TBC1D8: variants seen among roughly 807,000 people sequenced by gnomAD.
TBC1D8 encodes TBC1 domain family member 8, also known as BUB2-like protein 1.
In TBC1D8, 65 loss-of-function variants were observed where a neutral mutation model predicts 118.8. The ratio of observed to expected loss-of-function variants is 0.55; its 90% CI spans 0.45 to 0.67. The LOEUF is 0.67. Ranked by LOEUF, TBC1D8 falls within the 30% of genes least tolerant of loss-of-function variation. The pLI is 0.00. For synonymous variants in TBC1D8, 566 were observed against 595.8 expected, an observed-to-expected ratio of 0.95 and a Z score of 0.73; for missense variants, 1,376 against 1,471.2, an observed-to-expected ratio of 0.94 and a Z score of 1.06.
At position 101,029,769 on chromosome 2, in the gene TBC1D8, T is replaced by A; in HGVS notation, c.1944A>T (p.Gln648His). Residue 648 changes from glutamine (Q) to histidine (H), a missense_variant, in exon 12 of 20, where the codon CAA becomes CAT. Coordinates refer to ENST00000409318, the MANE Select transcript of TBC1D8 (RefSeq NM_001330348.2). ...DYFNHRVIGAQVDQSVFEELI... is the reference protein window; with the variant it reads ...DYFNHRVIGAHVDQSVFEELI... The stretch of plus-strand genomic sequence containing the variant: ...GCTCCTCGAAGACAGACTGGTCAAC[T>A]TGTGCCCCTGGAAAAGAAAGGGCAC... 6.2e-7 allele frequency: 1 copy of A among 1,612,272 alleles called. No homozygotes were observed. The highest frequency in any genetic ancestry group is 8.5e-7 in the Non-Finnish European group (1 of 1,178,440).
chr2:101,007,496 T>G lies in TBC1D8; in HGVS notation c.*325A>C, dbSNP rs1331352347. On this transcript the variant is annotated 3_prime_UTR_variant, in exon 20 of 20. Coordinates refer to ENST00000409318, the MANE Select transcript of TBC1D8 (RefSeq NM_001330348.2). ...ATGAAAGCATGGGGCTTTTCTTGCT[T>G]CTTGGTTAGTATGAGACATTGTGTT... is the stretch of plus-strand genomic sequence containing the variant. 2 of 253,182 alleles carry G rather than the reference T, an allele frequency of 7.9e-6. No individual in the cohort carries two copies. Among genetic ancestry groups the G allele is most frequent in the South Asian group, 8.9e-5 (1 of 11,290 alleles). 15.7% of individuals were successfully genotyped at this position (253,182 alleles called of 1,614,324 possible). A position where few individuals can be genotyped will look rare whatever the true frequency, so the allele number is the denominator to read the frequency against.
intron 1 of TBC1D8, among the ~76,000 whole-genome samples, chr2:101,098,743 A>G (rs1281912305): frequency 1.3e-5 from 2 of 152,218 alleles, no homozygotes; most frequent in Non-Finnish European, 2.9e-5. Context: ...ATGGAAATTG[A>G]ACAATCTGTT....
intron 1 of TBC1D8, among the ~76,000 whole-genome samples, chr2:101,097,570 T>TGCA (rs1676550290): frequency 4.6e-5 from 6 of 131,532 alleles, no homozygotes; most frequent in African/African-American, 1.7e-4. Flanking sequence ...AAAAAAAAAA[T>TGCA]GCACCTGCAT....
At chr2:101,082,991 C>T (rs796069481) in intron 2 of TBC1D8, among the ~76,000 whole-genome samples, 22 of 152,188 alleles carry the variant, frequency 1.4e-4, no homozygotes, top group African/African-American at 5.3e-4. Context: ...AAGAAACATC[C>T]CTGTTTTTCA....
chr2:101,142,356 C>T (rs1023183427), intron 1 of TBC1D8, among the ~76,000 whole-genome samples: 14 of 152,120 alleles, frequency 9.2e-5, no homozygotes, highest in Non-Finnish European at 1.8e-4. Context: ...ATTTATGTGT[C>T]GGGGTGTTTG....
chr2:101,018,074 T>TAATGGGACTAGATTTTGAATCC, intron 17 of TBC1D8: 1 of 752,570 alleles, frequency 1.3e-6, no homozygotes. Context: ...CAATCTAGGC[T>TAATGGGACTAGATTTTGAATCC]AATGGGACTA....
intron 13 of TBC1D8, 68 bp downstream of exon 13, chr2:101,028,235 C>T: frequency 1.9e-6 from 3 of 1,590,828 alleles, no homozygotes; most frequent in Middle Eastern, 2.0e-4. Flanking sequence ...CTTCCACATC[C>T]ATCCCCCAGT....
intron 17 of TBC1D8, among the ~76,000 whole-genome samples, chr2:101,014,061 C>T (rs1223396340): frequency 6.6e-6 from 1 of 152,172 alleles, no homozygotes; most frequent in East Asian, 1.9e-4. Context: ...ACTTGAGATG[C>T]AACAGCTACT....
intron 1 of TBC1D8, chr2:101,109,779 G>A (rs1204991680): frequency 1.0e-6 from 1 of 984,774 alleles, no homozygotes; most frequent in Admixed American, 6.1e-5. Flanking sequence ...ACTGGGTGAG[G>A]ACTGGTTAGA....
At chr2:101,015,497 T>C (rs1339112396) in intron 17 of TBC1D8, among the ~76,000 whole-genome samples, 1 of 152,210 alleles carries the variant, frequency 6.6e-6, no homozygotes, top group African/African-American at 2.4e-5. Flanking sequence ...TCTTTTGTAA[T>C]AACACTTGCC....
Position 101,049,316 on chromosome 2 carries a change from A to G in TBC1D8, c.872+1085T>C, listed in dbSNP as rs145071646. Reference sequence around the variant, plus strand: ...GATTAGTATCAATTTGTGGCAAACAAACCACGTAGCATACTGACTTACACT... The same window carrying G: ...GATTAGTATCAATTTGTGGCAAACAGACCACGTAGCATACTGACTTACACT... On this transcript the variant is annotated intron_variant, in intron 5 of 19. Transcript: ENST00000409318. Among the ~76,000 whole-genome samples, 3 of 152,368 alleles carry G rather than the reference A, an allele frequency of 2.0e-5. No individual in the cohort carries two copies. The East Asian group carries it at 5.8e-4, about 29-fold the overall frequency.
intron 1 of TBC1D8, among the ~76,000 whole-genome samples, chr2:101,117,666 C>G (rs1194467855): frequency 6.6e-6 from 1 of 150,844 alleles, no homozygotes; most frequent in Non-Finnish European, 1.5e-5. Context: ...CTCTGCCTCC[C>G]GGGTTCACGC....
chr2:101,032,872 C>T (rs2105390119), intron 10 of TBC1D8: 1 of 162,872 alleles, frequency 6.1e-6, no homozygotes, highest in South Asian at 1.7e-4. Context: ...GCTGACCACA[C>T]CCTCAGCTCG....
At chr2:101,050,722 A>C (rs1682019792) in intron 4 of TBC1D8, 81 bp from the exon 5 acceptor site, 1 of 1,545,120 alleles carries the variant, frequency 6.5e-7, no homozygotes, top group African/African-American at 1.4e-5. Flanking sequence ...AACTATCCAA[A>C]GCTCTCCTTA....
intron 17 of TBC1D8, 23 bp from the exon 18 acceptor site, chr2:101,011,563 A>G: frequency 1.2e-6 from 2 of 1,612,772 alleles, no homozygotes; most frequent in Non-Finnish European, 8.5e-7. Context: ...TGAGAGGTTT[A>G]AATTAAACAA....
intron 1 of TBC1D8, among the ~76,000 whole-genome samples, chr2:101,104,732 T>C (rs190624596): frequency 1.3e-5 from 2 of 152,212 alleles, no homozygotes; most frequent in Admixed American, 1.3e-4. Context: ...TTCTACAACA[T>C]AGGTCAGGCG....
In TBC1D8 at chr2:101,041,684, GATA is replaced by G. The variant is rs1390392204; in HGVS notation, c.873-1302_873-1300del. On this transcript the variant is annotated intron_variant, in intron 5 of 19. Coordinates refer to ENST00000409318, the MANE Select transcript of TBC1D8 (RefSeq NM_001330348.2). ...CTGAATGGTACACTTTTAAAGGATGGATAATAATTACATGGTATGTAAATTAAA... is the reference window on the plus strand; with the variant it reads ...CTGAATGGTACACTTTTAAAGGATGGATAATTACATGGTATGTAAATTAAA... Among the ~76,000 whole-genome samples, 4 of 151,902 alleles carry G rather than the reference GATA, an allele frequency of 2.6e-5. No homozygotes were observed. The East Asian group carries it at 7.7e-4, about 29-fold the overall frequency.
At position 101,019,925 on chromosome 2, in the gene TBC1D8, A is replaced by G. The variant is rs548840570; in HGVS notation, c.2827+1756T>C. Reference sequence around the variant, plus strand: ...CTGCTAAAAAAAAATACAAAAAATTAGCTGGGCATGGTGGTGGGCGCCTGT... The same window carrying G: ...CTGCTAAAAAAAAATACAAAAAATTGGCTGGGCATGGTGGTGGGCGCCTGT... On this transcript the variant is annotated intron_variant, in intron 17 of 19. Coordinates refer to ENST00000409318, the MANE Select transcript of TBC1D8 (RefSeq NM_001330348.2). 3.2e-4 allele frequency among the ~76,000 whole-genome samples: 49 copies of G among 152,050 alleles called. No individual in the cohort carries two copies. In the Middle Eastern group the frequency reaches 0.014, roughly 42 times the overall value.
intron 1 of TBC1D8, among the ~76,000 whole-genome samples, chr2:101,136,733 C>G (rs992410329): frequency 6.6e-6 from 1 of 152,278 alleles, no homozygotes; most frequent in Admixed American, 6.5e-5. Flanking sequence ...CCAGCCAAAC[C>G]CTTGCCATGG....
Sources: gnomAD v4.1 joint callset for allele counts (sites outside exome capture counted in the v4.1 genomes callset) on GRCh38, gnomAD v4.1.1 for gene constraint, MANE v1.5 for transcripts, NCBI Gene and HGNC (gene_info 2026-07-23, HGNC 2026-07-21) for gene names.